ARHGAP42: variants seen among roughly 807,000 people sequenced by gnomAD.
ARHGAP42 encodes Rho GTPase activating protein 42.
In ARHGAP42, 63 loss-of-function variants were observed where a neutral mutation model predicts 125.0. The ratio of observed to expected loss-of-function variants is 0.50; its 90% CI spans 0.41 to 0.62. The LOEUF (loss-of-function observed/expected upper bound fraction) is 0.62, where lower values mean the gene tolerates loss of function less well. Ranked by LOEUF, ARHGAP42 falls within the 20% of genes least tolerant of loss-of-function variation. The pLI is 0.00. For synonymous variants in ARHGAP42, 339 were observed against 351.0 expected (o/e 0.97, Z 0.38); for missense variants, 766 against 1,024.2 (o/e 0.75, Z 3.44).
At chr11:100,914,462 AAAATAAAT>A (rs1421187994) in intron 5 of ARHGAP42, among the ~76,000 whole-genome samples, 1 of 150,806 alleles carries the variant, frequency 6.6e-6, no homozygotes, top group Non-Finnish European at 1.5e-5. Flanking sequence ...GTGTCCAAAA[AAAATAAAT>A]AAATAAACAA....
chr11:100,797,166 A>G (rs1041855397), intron 3 of ARHGAP42, among the ~76,000 whole-genome samples: 2 of 152,234 alleles, frequency 1.3e-5, no homozygotes, highest in African/African-American at 4.8e-5. Context: ...TAAGGAAAGA[A>G]GCCATCACTA....
At chr11:100,738,935 C>T (rs2120337551) in intron 1 of ARHGAP42, among the ~76,000 whole-genome samples, 1 of 152,286 alleles carries the variant, frequency 6.6e-6, no homozygotes, top group South Asian at 2.1e-4. Flanking sequence ...ATCAGGAGGC[C>T]ACTCCTATTG....
chr11:100,903,709 A>AAAAAAAAAAAAAAATATAT (rs1332890022), intron 4 of ARHGAP42, among the ~76,000 whole-genome samples: 1 of 63,516 alleles, frequency 1.6e-5, no homozygotes, highest in Non-Finnish European at 3.0e-5. Flanking sequence ...TGTCCCTCAA[A>AAAAAAAAAAAAAAATATAT]ATATATATAT....
intron 5 of ARHGAP42, among the ~76,000 whole-genome samples, chr11:100,914,375 G>A (rs975454526): frequency 1.3e-5 from 2 of 152,074 alleles, no homozygotes; most frequent in Non-Finnish European, 2.9e-5. Flanking sequence ...CATTGGTAGT[G>A]TTTTAACTAT....
chr11:100,779,497 C>CACACACACATATACACGTAT (rs1554996438), intron 2 of ARHGAP42, among the ~76,000 whole-genome samples: 2 of 87,980 alleles, frequency 2.3e-5, no homozygotes, highest in African/African-American at 3.2e-5. Context: ...CACACACACA[C>CACACACACATATACACGTAT]ATATATACAC....
chr11:100,793,802 T>C (rs1863634927), intron 2 of ARHGAP42, among the ~76,000 whole-genome samples: 1 of 152,096 alleles, frequency 6.6e-6, no homozygotes, highest in African/African-American at 2.4e-5. Flanking sequence ...CCCGGTGCAA[T>C]GGCTCATGCC....
intron 1 of ARHGAP42, among the ~76,000 whole-genome samples, chr11:100,717,412 C>A (rs1013881256): frequency 1.3e-5 from 2 of 151,904 alleles, no homozygotes; most frequent in African/African-American, 4.8e-5. Context: ...CCGAGGCGGG[C>A]GGATCACAAG....
intron 1 of ARHGAP42, among the ~76,000 whole-genome samples, chr11:100,716,966 CTACAGAAT>C (rs1413655323): frequency 6.6e-6 from 1 of 152,138 alleles, no homozygotes; most frequent in Non-Finnish European, 1.5e-5. Context: ...ATACTTAAAG[CTACAGAAT>C]TAAGTATTCA....
At chr11:100,968,216 A>G (rs1241259540) in intron 17 of ARHGAP42, among the ~76,000 whole-genome samples, 8 of 152,206 alleles carry the variant, frequency 5.3e-5, no homozygotes, top group Admixed American at 4.6e-4. Context: ...TAGAAAGCAT[A>G]TAGTTGGATC....
intron 1 of ARHGAP42, among the ~76,000 whole-genome samples, chr11:100,732,066 C>T (rs920350138): frequency 1.3e-5 from 2 of 151,742 alleles, no homozygotes; most frequent in African/African-American, 2.4e-5. Context: ...TCAAGAAATT[C>T]TCCTGCCTCA....
intron 3 of ARHGAP42, among the ~76,000 whole-genome samples, chr11:100,798,562 A>G (rs1289385005): frequency 2.0e-5 from 3 of 152,204 alleles, no homozygotes; most frequent in African/African-American, 7.2e-5. Context: ...TTTTTAGACA[A>G]AACACTATTG....
At chr11:100,725,320 A>G (rs1861835761) in intron 1 of ARHGAP42, among the ~76,000 whole-genome samples, 1 of 151,566 alleles carries the variant, frequency 6.6e-6, no homozygotes, top group Non-Finnish European at 1.5e-5. Context: ...ACAGGCGCAC[A>G]CCACCACGCC....
At chr11:100,695,738 A>G (rs1286767851) in intron 1 of ARHGAP42, among the ~76,000 whole-genome samples, 1 of 152,206 alleles carries the variant, frequency 6.6e-6, no homozygotes, top group African/African-American at 2.4e-5. Context: ...CAAATAGAAC[A>G]GTGTGTGTAA....
At chr11:100,798,100 A>G (rs1037200425) in intron 3 of ARHGAP42, among the ~76,000 whole-genome samples, 3 of 152,192 alleles carry the variant, frequency 2.0e-5, no homozygotes, top group Non-Finnish European at 2.9e-5. Flanking sequence ...TTAAATAGAT[A>G]AGGAATTGCT....
At chr11:100,816,803 GTGT>G (rs1443093319) in intron 3 of ARHGAP42, 2 of 152,114 alleles carry the variant, frequency 1.3e-5, no homozygotes, top group Non-Finnish European at 2.9e-5. Context: ...AAACTTCTTG[GTGT>G]TGTTGTAACT....
chr11:100,979,870 A>C (rs1205320748), intron 22 of ARHGAP42, among the ~76,000 whole-genome samples: 1 of 152,210 alleles, frequency 6.6e-6, no homozygotes, highest in African/African-American at 2.4e-5. Flanking sequence ...TGTGAAGGAA[A>C]GGAATCACAG....
chr11:100,934,033 C>G (rs897610273), intron 7 of ARHGAP42, among the ~76,000 whole-genome samples: 1 of 152,104 alleles, frequency 6.6e-6, no homozygotes, highest in African/African-American at 2.4e-5. Context: ...GTGATCCACC[C>G]GCCACGGCCT....
intron 3 of ARHGAP42, among the ~76,000 whole-genome samples, chr11:100,820,352 C>A (rs1049841955): frequency 6.6e-6 from 1 of 152,030 alleles, no homozygotes; most frequent in Non-Finnish European, 1.5e-5. Context: ...CCATATTTGC[C>A]TATTTGCCAA....
chr11:100,982,954 G>A (rs1000006502), intron 22 of ARHGAP42, among the ~76,000 whole-genome samples: 2 of 152,118 alleles, frequency 1.3e-5, no homozygotes, highest in Non-Finnish European at 2.9e-5. Context: ...AAAAATTTGT[G>A]ATGTTTAAAA....
Sources: gnomAD v4.1 joint callset for allele counts (sites outside exome capture counted in the v4.1 genomes callset) on GRCh38, gnomAD v4.1.1 for gene constraint, MANE v1.5 for transcripts, NCBI Gene and HGNC (gene_info 2026-07-23, HGNC 2026-07-21) for gene names.